Variants in ZFHX3 observed in about 807,000 individuals in gnomAD.
ZFHX3 encodes the protein zinc finger homeobox protein 3.
Under a neutral mutation model 279.1 loss-of-function variants are expected in ZFHX3, and 42 were observed. The ratio of observed to expected loss-of-function variants is 0.15; its 90% CI spans 0.12 to 0.19. The LOEUF (loss-of-function observed/expected upper bound fraction) is 0.19. Ranked by LOEUF, ZFHX3 falls within the 10% of genes least tolerant of loss-of-function variation. ZFHX3 has a pLI of 1.00. For synonymous variants in ZFHX3, 2,293 were observed against 1,957.8 expected (o/e 1.17, Z -4.52); for missense variants, 4,981 against 4,754.0 (o/e 1.05, Z -1.40).
At chr16:73,771,455 C>T (rs1342550226) in intron 1 of ZFHX3, among the ~76,000 whole-genome samples, 1 of 152,222 alleles carries the variant, frequency 6.6e-6, no homozygotes, top group Non-Finnish European at 1.5e-5. Context: ...AACTTCTAAA[C>T]TCAGTGCCTA....
At chr16:73,501,737 T>C (rs2019242306) in intron 2 of ZFHX3, among the ~76,000 whole-genome samples, 1 of 152,092 alleles carries the variant, frequency 6.6e-6, no homozygotes, top group Non-Finnish European at 1.5e-5. Context: ...CCAAAATTAA[T>C]TATAAAAATT....
At chr16:73,295,001 C>G (rs2014874300) in intron 4 of ZFHX3, among the ~76,000 whole-genome samples, 1 of 151,934 alleles carries the variant, frequency 6.6e-6, no homozygotes, top group Non-Finnish European at 1.5e-5. Flanking sequence ...ATCACGAGGT[C>G]AGGAGATCGA....
In ZFHX3 at chr16:73,045,971, G is replaced by A; in HGVS notation, c.-50+1781C>T. Among the ~76,000 whole-genome samples the A allele has an allele frequency of 1.3e-5, 2 of 152,214 alleles. 1 individual carries two copies. The highest frequency in any genetic ancestry group is 2.9e-5 in the Non-Finnish European group (2 of 68,002). On this transcript the variant is annotated intron_variant, in intron 1 of 9. Coordinates refer to ENST00000268489, the MANE Select transcript of ZFHX3 (RefSeq NM_006885.4). ...ATAACACTTGTGTAATTAAATAAAA[G>A]AGCCAACTGTGACCCCAGCCCACTC...
chr16:73,865,559 G>T (rs1432485394), intron 1 of ZFHX3, among the ~76,000 whole-genome samples: 1 of 152,056 alleles, frequency 6.6e-6, no homozygotes, highest in Admixed American at 6.5e-5. Context: ...TTACACAATT[G>T]CACCTTGTTT....
intron 5 of ZFHX3, among the ~76,000 whole-genome samples, chr16:73,207,516 C>A (rs750505912): frequency 6.6e-6 from 1 of 152,144 alleles, no homozygotes; most frequent in Non-Finnish European, 1.5e-5. Context: ...AGAACGACAG[C>A]AGTACCCCTT....
intron 3 of ZFHX3, among the ~76,000 whole-genome samples, chr16:72,895,622 G>A (rs919673440): frequency 8.5e-5 from 13 of 152,228 alleles, no homozygotes; most frequent in Non-Finnish European, 1.8e-4. Flanking sequence ...AGGAGTTCAA[G>A]AGCAGCCTGG....
chr16:73,279,498 G>A (rs548370467), intron 4 of ZFHX3, among the ~76,000 whole-genome samples: 1 of 151,506 alleles, frequency 6.6e-6, no homozygotes, highest in East Asian at 1.9e-4. Flanking sequence ...TAAGACAAAG[G>A]TAATGAGGAA....
At chr16:73,445,054 G>C (rs1478374306) in intron 3 of ZFHX3, among the ~76,000 whole-genome samples, 1 of 150,090 alleles carries the variant, frequency 6.7e-6, no homozygotes, top group Admixed American at 6.7e-5. Flanking sequence ...AGAATTGCTT[G>C]AACCCGGGAG....
At chr16:73,812,542 T>G (rs1017081459) in intron 1 of ZFHX3, 1 of 152,300 alleles carries the variant, frequency 6.6e-6, no homozygotes, top group East Asian at 1.9e-4. Flanking sequence ...GGACCTCCAG[T>G]CTGCCACAGT....
At chr16:73,457,922 CA>C (rs547196484) in intron 2 of ZFHX3, among the ~76,000 whole-genome samples, 13 of 152,304 alleles carry the variant, frequency 8.5e-5, no homozygotes, top group Admixed American at 5.9e-4. Context: ...ACTTCCTTCC[CA>C]GGAAGATGGA....
chr16:73,879,321 C>T (rs1315961822), intron 1 of ZFHX3, among the ~76,000 whole-genome samples: 1 of 150,892 alleles, frequency 6.6e-6, no homozygotes, highest in African/African-American at 2.4e-5. Context: ...ATCAAGCCCC[C>T]GGCTTCATAA....
chr16:73,809,612 A>T (rs1057253575), intron 1 of ZFHX3: 1 of 152,186 alleles, frequency 6.6e-6, no homozygotes, highest in East Asian at 1.9e-4. Flanking sequence ...GGTGGAATAC[A>T]GGATCCTGAA....
At chr16:73,791,536 T>C (rs1959825367) in intron 1 of ZFHX3, among the ~76,000 whole-genome samples, 1 of 152,214 alleles carries the variant, frequency 6.6e-6, no homozygotes, top group African/African-American at 2.4e-5. Context: ...GTGATTCCCC[T>C]GCCTCAGCCT....
chr16:73,140,882 C>T (rs901742629), intron 6 of ZFHX3, among the ~76,000 whole-genome samples: 3 of 151,976 alleles, frequency 2.0e-5, no homozygotes, highest in South Asian at 2.1e-4. Flanking sequence ...CAAAAAAACA[C>T]GAATGGGGAG....
chr16:73,309,595 A>C (rs2015274843), intron 4 of ZFHX3, among the ~76,000 whole-genome samples: 1 of 152,244 alleles, frequency 6.6e-6, no homozygotes, highest in South Asian at 2.1e-4. Context: ...GCCCTTGATT[A>C]GCAGTAAAGG....
rs190293917 is a variant in ZFHX3, at chr16:73,788,853, A to G, written c.-1608+102798T>C. Among the ~76,000 whole-genome samples the G allele has an allele frequency of 3.3e-3, 507 of 151,762 alleles. 6 individuals are homozygous for G. The highest frequency in any genetic ancestry group is 2.5e-3 in the Non-Finnish European group (172 of 67,942). On this transcript the variant is annotated intron_variant, in intron 1 of 17. Transcript: ENST00000641206. ...GCTGGGTGTGCCGGCACGTGCCTGT[A>G]GTCCCAGCTACTCGGGAGGCTGAGG...
chr16:73,335,262 G>C (rs973305317), intron 3 of ZFHX3, among the ~76,000 whole-genome samples: 2 of 152,094 alleles, frequency 1.3e-5, no homozygotes, highest in African/African-American at 4.8e-5. Flanking sequence ...AACAAATGAA[G>C]ACAGGTTTAT....
intron 4 of ZFHX3, among the ~76,000 whole-genome samples, chr16:73,287,162 G>A (rs996038610): frequency 6.7e-6 from 1 of 148,880 alleles, no homozygotes; most frequent in Non-Finnish European, 1.5e-5. Context: ...GTGAGTGTGT[G>A]GGTTGCTGTG....
At chr16:72,885,027 C>A (rs963555043) in intron 4 of ZFHX3, among the ~76,000 whole-genome samples, 3 of 152,250 alleles carry the variant, frequency 2.0e-5, no homozygotes, top group African/African-American at 7.2e-5. Flanking sequence ...GGAAGAGGAA[C>A]CTCACCTGGT....
Sources: allele counts gnomAD v4.1 joint callset (sites outside exome capture counted in the v4.1 genomes callset), GRCh38; gene constraint gnomAD v4.1.1; transcripts MANE v1.5; gene names NCBI Gene and HGNC (gene_info 2026-07-23, HGNC 2026-07-21).